Variants in RHBDF2 observed in about 807,000 individuals in gnomAD.
RHBDF2 encodes the protein rhomboid 5 homolog 2.
A neutral mutation model predicts 95.2 loss-of-function variants in RHBDF2; 38 were observed. The ratio of observed to expected loss-of-function variants is 0.40; its 90% CI spans 0.31 to 0.52. RHBDF2 has a LOEUF of 0.52. Ranked by LOEUF, RHBDF2 falls within the 20% of genes least tolerant of loss-of-function variation. The pLI, the probability that RHBDF2 is intolerant of heterozygous loss-of-function variation, is 0.56. For missense variants in RHBDF2, 863 were observed against 1,137.7 expected (o/e 0.76, Z 3.47); for synonymous variants, 442 against 462.0 (o/e 0.96, Z 0.55).
At chr17:76,474,272 C>A in intron 12 of RHBDF2, 101 bp downstream of exon 12, 2 of 1,407,144 alleles carry the variant, frequency 1.4e-6, no homozygotes, top group Non-Finnish European at 2.0e-6. Flanking sequence ...AAAGGTGGGG[C>A]GGGGAGGAGG....
In RHBDF2 at chr17:76,487,769, A is replaced by T. The variant is rs1212345225; in HGVS notation, c.-79T>A. On this transcript the variant is annotated 5_prime_UTR_variant, in exon 2 of 19. The change abolishes an upstream ATG in the 5' untranslated region. Coordinates refer to ENST00000675367, the MANE Select transcript of RHBDF2 (RefSeq NM_001005498.4). ...GTCTTGCTGTGAAGGGCTTTAGAGC[A>T]TGTTCTTGTCTTCTCCTTGCTCTGT... The T allele has an allele frequency of 1.3e-5, 2 of 152,190 alleles. No homozygotes were observed. Among genetic ancestry groups the T allele is most frequent in the African/African-American group, 4.8e-5 (2 of 41,422 alleles). 9.4% of individuals were successfully genotyped at this position (152,190 alleles called of 1,614,324 possible). A position where few individuals can be genotyped will look rare whatever the true frequency, so the allele number is the denominator to read the frequency against.
chr17:76,471,877 C>G lies in RHBDF2; in HGVS notation c.2240G>C (p.Gly747Ala). 7 of 1,586,002 alleles carry G rather than the reference C, an allele frequency of 4.4e-6. No homozygotes were observed. The highest frequency in any genetic ancestry group is 6.0e-6 in the Non-Finnish European group (7 of 1,166,066). The change falls in exon 19 of 19, where the codon GGC becomes GCC. Residue 747 changes from glycine to alanine, a missense_variant. Transcript: ENST00000675367. ...GGCCAGCAGCAGGCCACTGAGGAAG[C>G]CGAAGATGTGGGCGATGTTGTCGAT... ...PWIDNIAHIF[G>A]FLSGLLLAFA...
rs778353972 is a variant in RHBDF2 at position 76,472,843 on chromosome 17, G to C, written c.1911-4C>G. 5.0e-6 allele frequency: 8 copies of C among 1,586,124 alleles called. No homozygotes were observed. Among genetic ancestry groups the C allele is most frequent in the African/African-American group, 1.3e-5 (1 of 74,404 alleles). ...AGACACGAGGCAGTGCACCACGCTGGGGGAGGGACACACCAGGCAGCGGCC... is the reference window on the plus strand; with the variant it reads ...AGACACGAGGCAGTGCACCACGCTGCGGGAGGGACACACCAGGCAGCGGCC... On this transcript the variant is annotated splice_polypyrimidine_tract_variant and splice_region_variant and intron_variant, in intron 17 of 18. Transcript: ENST00000675367.
At chr17:76,499,450 G>C (rs997356721) in intron 1 of RHBDF2, among the ~76,000 whole-genome samples, 17 of 152,170 alleles carry the variant, frequency 1.1e-4, no homozygotes, top group Admixed American at 9.8e-4. Flanking sequence ...CATCCCTACT[G>C]GGGGGCCACC....
chr17:76,484,562 C>T (rs1330483170), intron 2 of RHBDF2, among the ~76,000 whole-genome samples: 1 of 136,026 alleles, frequency 7.4e-6, no homozygotes, highest in Non-Finnish European at 1.6e-5. Context: ...CTCAATTCCT[C>T]TACCTGCTGC....
intron 15 of RHBDF2, 120 bp downstream of exon 15, chr17:76,473,528 T>A: frequency 1.0e-6 from 1 of 975,484 alleles, no homozygotes; most frequent in Non-Finnish European, 1.6e-6. Flanking sequence ...CAAAGGACAG[T>A]TATTGGAGGG....
intron 3 of RHBDF2, 126 bp downstream of exon 3, chr17:76,481,249 G>T: frequency 1.8e-6 from 2 of 1,117,562 alleles, no homozygotes; most frequent in Non-Finnish European, 2.5e-6. Flanking sequence ...CGAGTCAAGG[G>T]CTGCACAGAC....
rs756381721 is a variant in RHBDF2 at position 76,478,825 on chromosome 17, G to A, written c.653C>T (p.Ala218Val). 2 of 1,613,094 alleles carry A rather than the reference G, an allele frequency of 1.2e-6. No individual in the cohort carries two copies. The highest frequency in any genetic ancestry group is 2.2e-5 in the East Asian group (1 of 44,884). The change falls in exon 6 of 19, where the codon GCT (alanine) becomes GTT (valine). Residue 218 changes from alanine to valine, a missense_variant. Transcript: ENST00000675367. ...CCGCACCTTGAGGAGGGCAGCGGCA[G>A]CTTGCAAGCTCATGTGGGCCACAGA... ...RMSVAHMSLQ[A>V]AAALLKGRSV...
At position 76,474,730 on chromosome 17, in the gene RHBDF2, C is replaced by G; in HGVS notation, c.1302G>C (p.Ser434=). The G allele has an allele frequency of 1.9e-6, 3 of 1,614,200 alleles. No homozygotes were observed. The highest frequency in any genetic ancestry group is 2.5e-6 in the Non-Finnish European group (3 of 1,180,020). Residue 434 remains serine (S), a splice_region_variant and synonymous_variant, in exon 11 of 19, where the codon TCG becomes TCC. Coordinates refer to ENST00000675367, the MANE Select transcript of RHBDF2 (RefSeq NM_001005498.4). ...GATGTCCCCCAGCCTGGGCCCTCAC[C>G]GAGCTGGGGCCAACCCAGAAGTTCT... ...QQENFWVGPS[S]IDLIHLGAKF...
chr17:76,497,675 C>T (rs994338655), intron 1 of RHBDF2, among the ~76,000 whole-genome samples: 18 of 152,124 alleles, frequency 1.2e-4, no homozygotes, highest in Non-Finnish European at 1.9e-4. Flanking sequence ...ACCTTTACCA[C>T]GGGAGTCCTC....
intron 1 of RHBDF2, among the ~76,000 whole-genome samples, chr17:76,500,175 C>T (rs1169191292): frequency 6.6e-6 from 1 of 152,160 alleles, no homozygotes; most frequent in Non-Finnish European, 1.5e-5. Context: ...AGCCTCAGCA[C>T]AGCCCAACAC....
chr17:76,489,694 C>A (rs1254602494), intron 1 of RHBDF2, among the ~76,000 whole-genome samples: 1 of 39,184 alleles, frequency 2.6e-5, no homozygotes, highest in Non-Finnish European at 1.0e-4. Flanking sequence ...GAAGCCCTCC[C>A]GGGGCCGGGC....
chr17:76,472,379 T>C (rs1194027073), intron 18 of RHBDF2: 1 of 584,412 alleles, frequency 1.7e-6, no homozygotes, highest in Non-Finnish European at 3.1e-6. Flanking sequence ...CTGATCAGAC[T>C]GCCGACGGCG....
At position 76,475,022 on chromosome 17, in the gene RHBDF2, C is replaced by A; in HGVS notation, c.1227+8G>T. ...GGGACCCCCAGCATGGAGCCTGACCCGACTCACCAGCTGGGTGGTGACGTG... is the reference window on the plus strand; with the variant it reads ...GGGACCCCCAGCATGGAGCCTGACCAGACTCACCAGCTGGGTGGTGACGTG... On this transcript the variant is annotated splice_region_variant and intron_variant, in intron 10 of 18. Coordinates refer to ENST00000675367, the MANE Select transcript of RHBDF2 (RefSeq NM_001005498.4). The A allele has an allele frequency of 6.4e-7, 1 of 1,571,710 alleles. No individual in the cohort carries two copies. The highest frequency in any genetic ancestry group is 2.3e-5 in the East Asian group (1 of 43,212).
At position 76,479,152 on chromosome 17, in the gene RHBDF2, A is replaced by C. The variant is rs1357257001; in HGVS notation, c.398T>G (p.Leu133Arg). The change falls in exon 5 of 19, where the codon CTG (leucine) becomes CGG (arginine). Residue 133 changes from leucine to arginine, a missense_variant. Physicochemically the swap from Leu to Arg is moderately radical, Grantham distance 102. Around this residue, in one of 2 missense-constraint regions of RHBDF2, gnomAD observed 611 missense variants for 725.5 expected, o/e 0.84. Transcript: ENST00000675367. Reference protein sequence around the residue: ...GRLKASCQRDLELPSQEAPSF... With the variant: ...GRLKASCQRDRELPSQEAPSF... ...CGGTGCCTCCTGGCTGGGGAGCTCCAGGTCACGCTGGCACGAGGCCTTCAG... is the reference window on the plus strand; with the variant it reads ...CGGTGCCTCCTGGCTGGGGAGCTCCCGGTCACGCTGGCACGAGGCCTTCAG... 6.2e-7 allele frequency: 1 copy of C among 1,613,270 alleles called. No homozygotes were observed. The highest frequency in any genetic ancestry group is 1.1e-5 in the South Asian group (1 of 91,072).
chr17:76,486,718 T>TATAAATAA (rs374104312), intron 2 of RHBDF2, among the ~76,000 whole-genome samples: 5 of 146,216 alleles, frequency 3.4e-5, no homozygotes, highest in Non-Finnish European at 4.5e-5. Flanking sequence ...TGTCTCAAAA[T>TATAAATAA]ATAAATAAAT....
At chr17:76,479,510 G>T (rs1026247720) in intron 4 of RHBDF2, 2 of 757,150 alleles carry the variant, frequency 2.6e-6, no homozygotes, top group African/African-American at 3.4e-5. Flanking sequence ...GATCCACCCA[G>T]CTCCTCGAAG....
rs1468830608 is a variant in RHBDF2 at position 76,471,734 on chromosome 17, A to G, written c.2383T>C (p.Tyr795His). The G allele has an allele frequency of 9.3e-6, 15 of 1,611,212 alleles. No homozygotes were observed. Among genetic ancestry groups the G allele is most frequent in the Non-Finnish European group, 1.3e-5 (15 of 1,178,810 alleles). Residue 795 changes from tyrosine to histidine, a missense_variant, in exon 19 of 19, where the codon TAC (tyrosine) becomes CAC (histidine). Around this residue, in one of 2 missense-constraint regions of RHBDF2, gnomAD observed 252 missense variants for 412.2 expected, o/e 0.61. Transcript: ENST00000675367. The stretch of plus-strand genomic sequence containing the variant: ...CAGGGCCAGTTAATGGGGTAGATGT[A>G]CAGCCACAGCACGAGGGCGGCGAAG... ...GLFAALVLWL[Y>H]IYPINWPWIE...
At chr17:76,491,747 G>T (rs191864849) in intron 1 of RHBDF2, among the ~76,000 whole-genome samples, 273 of 152,330 alleles carry the variant, frequency 1.8e-3, no homozygotes, top group African/African-American at 5.7e-3. Context: ...AAGTTGGGGT[G>T]GGGGTGCAAA....
Sources: allele counts gnomAD v4.1 joint callset (sites outside exome capture counted in the v4.1 genomes callset), GRCh38; gene constraint gnomAD v4.1.1; regional missense constraint gnomAD v4.1.1; transcripts MANE v1.5; gene names NCBI Gene and HGNC (gene_info 2026-07-23, HGNC 2026-07-21).